Variants in ELAVL4 observed in about 807,000 individuals in gnomAD.
ELAVL4 encodes the protein ELAV like RNA binding protein 4, also known as ELAV-like protein 4.
A neutral mutation model predicts 35.6 loss-of-function variants in ELAVL4; 1 was observed. The ratio of observed to expected loss-of-function variants is 0.03; its 90% CI spans 0.01 to 0.13. ELAVL4 has a LOEUF of 0.13. Ranked by LOEUF, ELAVL4 falls within the 10% of genes least tolerant of loss-of-function variation. ELAVL4 has a pLI of 1.00. For synonymous variants in ELAVL4, 156 were observed against 171.0 expected, an observed-to-expected ratio of 0.91 and a Z score of 0.69; for missense variants, 267 against 464.9, an observed-to-expected ratio of 0.57 and a Z score of 3.91.
At chr1:50,185,707 G>C (rs1681712326) in intron 3 of ELAVL4, among the ~76,000 whole-genome samples, 1 of 152,212 alleles carries the variant, frequency 6.6e-6, no homozygotes, top group African/African-American at 2.4e-5. Flanking sequence ...TCCCTAAAGT[G>C]AACATTACAT....
chr1:50,056,954 C>G (rs1446978518), intron 1 of ELAVL4, among the ~76,000 whole-genome samples: 1 of 151,034 alleles, frequency 6.6e-6, no homozygotes, highest in Non-Finnish European at 1.5e-5. Context: ...AGCACACCTA[C>G]TTATTTTAAA....
intron 1 of ELAVL4, among the ~76,000 whole-genome samples, chr1:50,055,439 A>G (rs965337925): frequency 2.0e-5 from 3 of 152,006 alleles, no homozygotes; most frequent in Non-Finnish European, 2.9e-5. Flanking sequence ...AGCTGGGACT[A>G]CAGGCGCCCG....
At chr1:50,063,968 A>T (rs1016327741) in intron 1 of ELAVL4, among the ~76,000 whole-genome samples, 3 of 152,170 alleles carry the variant, frequency 2.0e-5, no homozygotes, top group African/African-American at 7.2e-5. Context: ...GAATAAAGGA[A>T]AATTAGGAAT....
upstream of ELAVL4, among the ~76,000 whole-genome samples, chr1:50,103,296 A>G (rs1308727095): frequency 2.6e-5 from 4 of 152,240 alleles, no homozygotes; most frequent in Non-Finnish European, 5.9e-5. Context: ...ATTGACTATC[A>G]GGTCATATAT....
At chr1:50,168,644 G>A (rs1026664818) in intron 2 of ELAVL4, among the ~76,000 whole-genome samples, 1 of 152,046 alleles carries the variant, frequency 6.6e-6, no homozygotes, top group Non-Finnish European at 1.5e-5. Context: ...ACAGTCAAAG[G>A]TATCATGTAT....
intron 1 of ELAVL4, among the ~76,000 whole-genome samples, chr1:50,087,680 G>A (rs1330979012): frequency 6.6e-6 from 1 of 152,070 alleles, no homozygotes; most frequent in African/African-American, 2.4e-5. Context: ...GGGTAATTAA[G>A]GTTAAATGAG....
chr1:50,166,654 G>A (rs922574740), intron 2 of ELAVL4, among the ~76,000 whole-genome samples: 2 of 152,164 alleles, frequency 1.3e-5, no homozygotes, highest in Non-Finnish European at 2.9e-5. Flanking sequence ...AGTCCTGCCT[G>A]GATTGGACTG....
intron 3 of ELAVL4, among the ~76,000 whole-genome samples, chr1:50,184,655 C>T (rs1028160004): frequency 3.3e-5 from 5 of 152,190 alleles, no homozygotes; most frequent in East Asian, 1.9e-4. Context: ...TCTGCAGTGA[C>T]CCTGAGGCAT....
At chr1:50,148,692 G>A (rs1369995507) in intron 2 of ELAVL4, among the ~76,000 whole-genome samples, 8 of 152,204 alleles carry the variant, frequency 5.3e-5, no homozygotes. Flanking sequence ...TCATCTACCT[G>A]CAGCCTCTGC....
upstream of ELAVL4, among the ~76,000 whole-genome samples, chr1:50,099,120 A>G (rs982890397): frequency 2.3e-4 from 35 of 152,346 alleles, no homozygotes; most frequent in Non-Finnish European, 5.1e-4. Context: ...AGTTGGTTCA[A>G]AAGTTTTTCT....
intron 1 of ELAVL4, among the ~76,000 whole-genome samples, chr1:50,080,530 C>A (rs1664963052): frequency 6.6e-6 from 1 of 152,174 alleles, no homozygotes; most frequent in African/African-American, 2.4e-5. Flanking sequence ...ATATTTCTAA[C>A]TCACAAATCT....
intron 1 of ELAVL4, among the ~76,000 whole-genome samples, chr1:50,138,448 T>C (rs1672260088): frequency 6.7e-6 from 1 of 149,132 alleles, no homozygotes; most frequent in African/African-American, 2.5e-5. Flanking sequence ...GCTTTAACCC[T>C]CCTGCTTGAA....
At chr1:50,136,460 A>G (rs185950545) in intron 1 of ELAVL4, among the ~76,000 whole-genome samples, 1 of 152,308 alleles carries the variant, frequency 6.6e-6, no homozygotes, top group East Asian at 1.9e-4. Context: ...GGTTCAATTC[A>G]GTGACTGCCC....
chr1:50,119,096 A>AAAG (rs1668593225), intron 1 of ELAVL4, among the ~76,000 whole-genome samples: 1 of 143,388 alleles, frequency 7.0e-6, no homozygotes, highest in South Asian at 2.3e-4. Context: ...AAGAAAGAAA[A>AAAG]AGAAAAAGAT....
chr1:50,111,953 G>A (rs554336533), intron 1 of ELAVL4, among the ~76,000 whole-genome samples: 2 of 152,188 alleles, frequency 1.3e-5, no homozygotes, highest in Admixed American at 1.3e-4. Flanking sequence ...TGCATGATCA[G>A]GGAGCTAATT....
At chr1:50,084,374 C>G (rs921428855) in intron 1 of ELAVL4, among the ~76,000 whole-genome samples, 3 of 152,102 alleles carry the variant, frequency 2.0e-5, no homozygotes, top group Non-Finnish European at 4.4e-5. Context: ...ATTCTGTTTT[C>G]CCCTAGTTCC....
chr1:50,181,124 A>G (rs1344123019), intron 3 of ELAVL4: 2 of 152,140 alleles, frequency 1.3e-5, no homozygotes, highest in African/African-American at 4.8e-5. Flanking sequence ...TTGGAGTAAG[A>G]AAAAATGTTC....
At chr1:50,147,363 C>T (rs141248010) in intron 2 of ELAVL4, among the ~76,000 whole-genome samples, 13 of 152,286 alleles carry the variant, frequency 8.5e-5, no homozygotes, top group Non-Finnish European at 1.3e-4. Context: ...TTAATTCTAG[C>T]ATTTTAAATT....
At chr1:50,170,467 T>C (rs964879624) in intron 2 of ELAVL4, among the ~76,000 whole-genome samples, 1 of 152,160 alleles carries the variant, frequency 6.6e-6, no homozygotes, top group East Asian at 1.9e-4. Context: ...GAGGTTAATT[T>C]AACTTAGCCA....
Sources: allele counts gnomAD v4.1 joint callset (sites outside exome capture counted in the v4.1 genomes callset), GRCh38; gene constraint gnomAD v4.1.1; transcripts MANE v1.5; gene names NCBI Gene and HGNC (gene_info 2026-07-23, HGNC 2026-07-21).